The following RHOXF1 variants were observed in gnomAD, a reference collection of about 807,000 sequenced individuals.
RHOXF1 encodes Rhox homeobox family member 1, also known as PEPP subfamily gene 1.
A neutral mutation model predicts 9.7 loss-of-function variants in RHOXF1; 1 was observed. The ratio of observed to expected loss-of-function variants is 0.10; its 90% CI spans 0.04 to 0.49. The LOEUF is 0.49. Among genes scored for constraint, RHOXF1 ranks in the 20% least tolerant of loss-of-function variants. The pLI, the probability that RHOXF1 is intolerant of heterozygous loss-of-function variation, is 0.95. For synonymous variants in RHOXF1, 72 were observed against 70.2 expected (o/e 1.03, Z -0.13); for missense variants, 179 against 168.0 (o/e 1.07, Z -0.36).
intron 1 of RHOXF1, among the ~76,000 whole-genome samples, chrX:120,113,580 A>G (rs1556000150): frequency 1.8e-5 from 2 of 108,244 alleles, no homozygotes. Context: ...CAGCCTTCCA[A>G]GTGGCTGGGA....
At position 120,115,873 on chromosome X, in the gene RHOXF1, C is replaced by G; in HGVS notation, c.-11G>C. ...GAGCGAACGCGCCATGGCTGGAGCG[C>G]TGCGCCCCTGCACAAACTCCGTGGC... is the stretch of plus-strand genomic sequence containing the variant. On this transcript the variant is annotated 5_prime_UTR_variant, in exon 1 of 3. Transcript: ENST00000217999. 8.6e-7 allele frequency: 1 copy of G among 1,158,831 alleles called. No homozygotes were observed. Among genetic ancestry groups the G allele is most frequent in the African/African-American group, 1.8e-5 (1 of 55,331 alleles).
At chrX:120,117,309 G>A (rs1212825917), upstream of RHOXF1, among the ~76,000 whole-genome samples, 5 of 110,725 alleles carry the variant, frequency 4.5e-5, no homozygotes, top group African/African-American at 6.6e-5. Flanking sequence ...AAAGGAAAGC[G>A]CTAAGAGAGT....
intron 2 of RHOXF1, 110 bp from the exon 3 acceptor site, chrX:120,109,412 G>T: frequency 2.2e-6 from 1 of 451,198 alleles, no homozygotes; most frequent in Non-Finnish European, 3.9e-6. Context: ...AACTGCATCA[G>T]GAAAAGCTAT....
In RHOXF1 at chrX:120,109,274, C is replaced by T. The variant is rs782429266; in HGVS notation, c.473G>A (p.Cys158Tyr). ...RVWFKNKRAR[C>Y]RRHQRELMLA... The stretch of plus-strand genomic sequence containing the variant: ...CATTAATTCTCTCTGATGTCGCCTA[C>T]ATCTGGCCCTTTTATTCTTAAACCA... The change falls in exon 3 of 3, where the codon TGT (cysteine) becomes TAT (tyrosine). Residue 158 changes from cysteine (C) to tyrosine (Y), a missense_variant. Transcript: ENST00000217999. 3 of 1,188,930 alleles carry T rather than the reference C, an allele frequency of 2.5e-6. No homozygotes were observed. Among genetic ancestry groups the T allele is most frequent in the Non-Finnish European group, 3.4e-6 (3 of 878,123 alleles).
chrX:120,117,616 G>A (rs1603391427), upstream of RHOXF1: 1 of 111,371 alleles, frequency 9.0e-6, no homozygotes, highest in East Asian at 2.8e-4. Flanking sequence ...GCATGGAAAG[G>A]CCCTTGCACT....
intron 1 of RHOXF1, among the ~76,000 whole-genome samples, chrX:120,113,314 G>A (rs1420008783): frequency 9.1e-6 from 1 of 110,147 alleles, no homozygotes; most frequent in Non-Finnish European, 1.9e-5. Context: ...GTTGATTTTT[G>A]TATTTTTAGT....
intron 2 of RHOXF1, 93 bp from the exon 3 acceptor site, chrX:120,109,395 G>T: frequency 2.0e-6 from 1 of 489,330 alleles, no homozygotes; most frequent in Non-Finnish European, 3.5e-6. Flanking sequence ...ATGCTATTGA[G>T]ATTTTAAACT....
intron 1 of RHOXF1, among the ~76,000 whole-genome samples, chrX:120,115,140 T>G (rs1270652728): frequency 1.8e-5 from 2 of 111,924 alleles, no homozygotes; most frequent in Non-Finnish European, 3.8e-5. Flanking sequence ...TCTAGAGATC[T>G]ATTGCACAAC....
Position 120,109,204 on chromosome X carries a change from G to A in RHOXF1, c.543C>T (p.Ile181=), listed in dbSNP as rs1334417660. The change falls in exon 3 of 3, where the codon ATC becomes ATT. Residue 181 remains isoleucine, a synonymous_variant. Transcript: ENST00000217999. ...LRADPDDCVY[I]VVD ...TGGCATTCTAGGGCTAGTCCACGAC[G>A]ATGTAGACACAGTCGTCTGGGTCAG... The A allele has an allele frequency of 4.2e-6, 5 of 1,181,093 alleles. No individual in the cohort carries two copies. In the African/African-American group the frequency reaches 7.1e-5, roughly 17 times the overall value.
rs2057292611 is a variant in RHOXF1, at chrX:120,115,845, G to C, written c.18C>G (p.Val6=). 1 of 1,182,439 alleles carries C rather than the reference G, an allele frequency of 8.5e-7. No individual in the cohort carries two copies. Among genetic ancestry groups the C allele is most frequent in the East Asian group, 3.0e-5 (1 of 33,359 alleles). Residue 6 remains valine (V), a synonymous_variant, in exon 1 of 3, where the codon GTC becomes GTG. Coordinates refer to ENST00000217999, the MANE Select transcript of RHOXF1 (RefSeq NM_139282.3). ...TCAGGCAGTAGAACACGGTGTCGTG[G>C]ACGAGCGAACGCGCCATGGCTGGAG... MARSL[V]HDTVFYCLSV...
At chrX:120,114,922 G>T (rs2057286769) in intron 1 of RHOXF1, among the ~76,000 whole-genome samples, 1 of 112,190 alleles carries the variant, frequency 8.9e-6, no homozygotes, top group Non-Finnish European at 1.9e-5. Context: ...CTGCGATATG[G>T]ATGAACCTTG....
chrX:120,117,087 A>G (rs1457103607), upstream of RHOXF1, among the ~76,000 whole-genome samples: 5 of 109,325 alleles, frequency 4.6e-5, no homozygotes, highest in Non-Finnish European at 9.5e-5. Context: ...CAATAAGCCC[A>G]ATTACGAAGA....
chrX:120,111,752 T>C (rs1347470638), intron 2 of RHOXF1, among the ~76,000 whole-genome samples: 1 of 112,208 alleles, frequency 8.9e-6, no homozygotes, highest in South Asian at 3.7e-4. Flanking sequence ...AAACATTTAG[T>C]AGTTTCATAA....
intron 1 of RHOXF1, among the ~76,000 whole-genome samples, chrX:120,114,581 CAAAA>C (rs782212049): frequency 9.6e-6 from 1 of 104,257 alleles, no homozygotes; most frequent in African/African-American, 3.5e-5. Flanking sequence ...ACCCAATAAC[CAAAA>C]AAAAAGAAAG....
upstream of RHOXF1, among the ~76,000 whole-genome samples, chrX:120,116,910 A>T (rs1334269982): frequency 9.0e-6 from 1 of 111,576 alleles, no homozygotes; most frequent in Non-Finnish European, 1.9e-5. Flanking sequence ...TAAATAAATA[A>T]ATAAAATCGG....
rs781809889 is a variant in RHOXF1, at chrX:120,113,503, G to A, written c.399-589C>T. Among the ~76,000 whole-genome samples, 455 of 109,642 alleles carry A rather than the reference G, an allele frequency of 4.1e-3. 4 individuals are homozygous for A. Among genetic ancestry groups the A allele is most frequent in the African/African-American group, 0.014 (418 of 30,142 alleles). On this transcript the variant is annotated intron_variant, in intron 1 of 2. Coordinates refer to ENST00000217999, the MANE Select transcript of RHOXF1 (RefSeq NM_139282.3). ...CAGGGTCTCACTGTCGTCTATGTTG[G>A]AGTGCAGTGGCAGGATCACTGCTCA...
chrX:120,112,433 A>G (rs2057269955), intron 2 of RHOXF1, among the ~76,000 whole-genome samples: 3 of 27,919 alleles, frequency 1.1e-4, no homozygotes, highest in East Asian at 2.4e-3. Flanking sequence ...TATAATACAC[A>G]TATATTATAT....
upstream of RHOXF1, chrX:120,115,920 T>G: frequency 9.4e-7 from 1 of 1,068,672 alleles, no homozygotes; most frequent in African/African-American, 2.0e-5. Flanking sequence ...GAGTGGGGGT[T>G]AGAGGGTGGA....
upstream of RHOXF1, among the ~76,000 whole-genome samples, chrX:120,117,316 G>A (rs73218838): frequency 0.11 from 11,613 of 110,575 alleles, 513 homozygotes; most frequent in Middle Eastern, 0.19. Context: ...AGCGCTAAGA[G>A]AGTCTGTCAT....
Sources: gnomAD v4.1 joint callset for allele counts (sites outside exome capture counted in the v4.1 genomes callset) on GRCh38, gnomAD v4.1.1 for gene constraint, MANE v1.5 for transcripts, NCBI Gene and HGNC (gene_info 2026-07-23, HGNC 2026-07-21) for gene names.